The following LRRC61 variants were observed in gnomAD, a reference collection of about 807,000 sequenced individuals.
The protein encoded by LRRC61 is leucine rich repeat containing 61, also known as leucine-rich repeat-containing protein 61.
LRRC61 carries 9 observed loss-of-function variants against 15.1 expected under a neutral mutation model. The observed-to-expected ratio is 0.60, with a 90% CI of 0.36 to 1.04. The LOEUF (loss-of-function observed/expected upper bound fraction) is 1.04, where lower values mean the gene tolerates loss of function less well. LRRC61 is among the 50% of genes least tolerant of loss of function. The pLI, the probability that LRRC61 is intolerant of heterozygous loss-of-function variation, is 0.01. For missense variants in LRRC61, 344 were observed against 335.6 expected, an observed-to-expected ratio of 1.03 and a Z score of -0.20; for synonymous variants, 173 against 158.6, an observed-to-expected ratio of 1.09 and a Z score of -0.68.
rs758065408 is a variant in LRRC61 at position 150,337,652 on chromosome 7, T to C, written c.*11T>C. The C allele has an allele frequency of 3.3e-6, 5 of 1,521,182 alleles. No homozygotes were observed. Among genetic ancestry groups the C allele is most frequent in the South Asian group, 1.3e-5 (1 of 75,718 alleles). The allele number at this position is 1,521,182 out of a possible 1,614,324, so 94.2% of individuals were successfully genotyped here. On this transcript the variant is annotated 3_prime_UTR_variant, in exon 3 of 3. Coordinates refer to ENST00000359623, the MANE Select transcript of LRRC61 (RefSeq NM_001142928.2). ...TCCTTCGTCTTCTGAACGTGGCCTA[T>C]GGCCCAGGACAGCCTGGCAGGTGGC...
At chr7:150,311,001 C>T in the LRRC61 span, among the ~76,000 whole-genome samples, 1 of 152,106 alleles carries the variant, frequency 6.6e-6, no homozygotes, top group Admixed American at 6.6e-5. Context: ...GTTAATCTCC[C>T]AGGCCCCTAT....
intron 2 of LRRC61, among the ~76,000 whole-genome samples, chr7:150,329,037 C>T (rs1798027120): frequency 6.6e-6 from 1 of 152,218 alleles, no homozygotes; most frequent in Admixed American, 6.5e-5. Context: ...AGTCTTGATG[C>T]TATCCAGTTG....
chr7:150,335,734 C>G lies in LRRC61; in HGVS notation c.-144-984C>G, dbSNP rs879649628. On this transcript the variant is annotated intron_variant, in intron 2 of 2. Transcript: ENST00000359623. The surrounding 1 kb of genome is among the most constrained non-coding windows in gnomAD (Gnocchi z 4.3). Reference sequence around the variant, plus strand: ...AAAGTCTGCCAGGTTGGGAAAGCTGCGCTTGGAAGAGGTCTGTTATTTTCC... The same window carrying G: ...AAAGTCTGCCAGGTTGGGAAAGCTGGGCTTGGAAGAGGTCTGTTATTTTCC... Among the ~76,000 whole-genome samples the G allele has an allele frequency of 1.2e-4, 18 of 152,200 alleles. 1 individual carries two copies. The highest frequency in any genetic ancestry group is 1.1e-3 in the Admixed American group (17 of 15,276).
the LRRC61 span, among the ~76,000 whole-genome samples, chr7:150,317,354 T>C: frequency 6.6e-6 from 1 of 152,130 alleles, no homozygotes; most frequent in African/African-American, 2.4e-5. Flanking sequence ...CGCCCAGCCT[T>C]CCTTTGTATT....
chr7:150,314,984 T>A, the LRRC61 span, among the ~76,000 whole-genome samples: 1 of 147,464 alleles, frequency 6.8e-6, no homozygotes, highest in African/African-American at 2.5e-5. Flanking sequence ...AGTATTATTT[T>A]TAATAATATT....
chr7:150,331,854 T>A (rs868408426), intron 2 of LRRC61: 1 of 167,226 alleles, frequency 6.0e-6, no homozygotes, highest in South Asian at 2.1e-4. Context: ...AGAATAGCCA[T>A]TTCCAGAGGG....
At chr7:150,329,912 G>C (rs1331029225) in intron 2 of LRRC61, 1 of 159,866 alleles carries the variant, frequency 6.3e-6, no homozygotes, top group African/African-American at 2.4e-5. Flanking sequence ...AGGGAGCCGC[G>C]GAGGACTGGC....
the LRRC61 span, among the ~76,000 whole-genome samples, chr7:150,316,332 C>T: frequency 1.3e-5 from 2 of 152,190 alleles, no homozygotes; most frequent in African/African-American, 4.8e-5. Context: ...ATACATTGCA[C>T]ACATACATAG....
At chr7:150,321,992 T>C (rs952521270), upstream of LRRC61, among the ~76,000 whole-genome samples, 1 of 152,164 alleles carries the variant, frequency 6.6e-6, no homozygotes, top group African/African-American at 2.4e-5. Flanking sequence ...AAGTTCAAGG[T>C]AGCCAGGGAG....
At chr7:150,324,993 C>G (rs1195201644) in intron 1 of LRRC61, among the ~76,000 whole-genome samples, 1 of 152,204 alleles carries the variant, frequency 6.6e-6, no homozygotes, top group African/African-American at 2.4e-5. Context: ...CCTTTGAGAT[C>G]TGCTCATCCT....
intron 2 of LRRC61, 110 bp downstream of exon 2, chr7:150,326,120 A>G (rs1797957536): frequency 6.6e-6 from 1 of 152,168 alleles, no homozygotes; most frequent in Non-Finnish European, 1.5e-5. Context: ...TCATAGCACC[A>G]TACCCCACTT....
chr7:150,333,835 G>A lies in LRRC61; in HGVS notation c.-144-2883G>A, dbSNP rs891788706. ...AGTTGGGTCTGCACAGGTGGGCGCC[G>A]GCTGGTTCTCAGTCCTACTGGGCTA... On this transcript the variant is annotated intron_variant, in intron 2 of 2. Coordinates refer to ENST00000359623, the MANE Select transcript of LRRC61 (RefSeq NM_001142928.2). This position sits in a 1 kb window ranked among gnomAD's most constrained non-coding sequence, Gnocchi z 4.3. The A allele has an allele frequency of 2.3e-5, 22 of 945,030 alleles. No homozygotes were observed. Among genetic ancestry groups the A allele is most frequent in the African/African-American group, 3.6e-5 (2 of 56,296 alleles). The allele number at this position is 945,030 out of a possible 1,614,324, so 58.5% of individuals were successfully genotyped here. A position where few individuals can be genotyped will look rare whatever the true frequency, so the allele number is the denominator to read the frequency against.
Position 150,337,077 on chromosome 7 carries a change from C to G in LRRC61, c.216C>G (p.Ala72=). The part of the protein sequence containing the change: ...GNALTHLGPL[A]SLRQLAVLNV... ...CGCTCACCCACCTGGGCCCGCTGGC[C>G]TCCTTGCGCCAGCTAGCTGTGCTCA... The change falls in exon 3 of 3, where the codon GCC becomes GCG. Residue 72 remains alanine (A), a synonymous_variant. Coordinates refer to ENST00000359623, the MANE Select transcript of LRRC61 (RefSeq NM_001142928.2). 1 of 1,612,902 alleles carries G rather than the reference C, an allele frequency of 6.2e-7. No individual in the cohort carries two copies. The highest frequency in any genetic ancestry group is 8.5e-7 in the Non-Finnish European group (1 of 1,179,806).
At chr7:150,319,115 A>G (rs1797224223), upstream of LRRC61, among the ~76,000 whole-genome samples, 1 of 152,242 alleles carries the variant, frequency 6.6e-6, no homozygotes, top group South Asian at 2.1e-4. Flanking sequence ...TTTAAGAGTT[A>G]AAGTGTACAC....
chr7:150,315,830 CT>C, the LRRC61 span, among the ~76,000 whole-genome samples: 39,893 of 148,750 alleles, frequency 0.27, 5,412 homozygotes, highest in East Asian at 0.42. Flanking sequence ...CAACACTATA[CT>C]TTTTTTTTTT....
chr7:150,317,509 T>G, the LRRC61 span, among the ~76,000 whole-genome samples: 3 of 152,238 alleles, frequency 2.0e-5, no homozygotes, highest in African/African-American at 7.2e-5. Context: ...TGCAATCAAG[T>G]CACTTGAAAT....
rs200946999 is a variant in LRRC61, at chr7:150,330,448, A to G, written c.-145+4438A>G. ...AGTGCGGCACAGGCCTCTCTGAGCC[A>G]GGTGCTGCCCCAGCTGCGCTACCTG... On this transcript the variant is annotated intron_variant, in intron 2 of 2. Transcript: ENST00000359623. This position sits in a 1 kb window ranked among gnomAD's most constrained non-coding sequence, Gnocchi z 4.6. The G allele has an allele frequency of 6.7e-4, 523 of 777,318 alleles. 6 individuals are homozygous for G. The highest frequency in any genetic ancestry group is 6.7e-3 in the South Asian group (499 of 74,616). The allele number at this position is 777,318 out of a possible 1,614,324, so 48.2% of individuals were successfully genotyped here. A position where few individuals can be genotyped will look rare whatever the true frequency, so the allele number is the denominator to read the frequency against.
the LRRC61 span, among the ~76,000 whole-genome samples, chr7:150,314,327 C>T: frequency 1.3e-5 from 2 of 152,176 alleles, no homozygotes; most frequent in Non-Finnish European, 2.9e-5. Flanking sequence ...ATTTAATACA[C>T]CTTAGAAAAT....
In LRRC61 at chr7:150,335,154, CT is replaced by C. The variant is rs147836962; in HGVS notation, c.-144-1560del. Among the ~76,000 whole-genome samples the C allele has an allele frequency of 0.044, 6,728 of 152,122 alleles. 240 individuals carry two copies. Among genetic ancestry groups the C allele is most frequent in the Admixed American group, 0.069 (1,060 of 15,280 alleles). ...TTCCTGCCCTCCTTAGGGCCTGTAT[CT>C]TTTGTTTTCACAGCAGACAGGTTTC... On this transcript the variant is annotated intron_variant, in intron 2 of 2. Transcript: ENST00000359623. The surrounding 1 kb of genome is among the most constrained non-coding windows in gnomAD (Gnocchi z 4.3).
Sources: allele counts gnomAD v4.1 joint callset (sites outside exome capture counted in the v4.1 genomes callset), GRCh38; gene constraint gnomAD v4.1.1; non-coding constraint Gnocchi (gnomAD v3.1); transcripts MANE v1.5; gene names NCBI Gene and HGNC (gene_info 2026-07-23, HGNC 2026-07-21).